The following PDGFC variants were observed in gnomAD, a reference collection of about 807,000 sequenced individuals.
PDGFC encodes the protein platelet derived growth factor C.
In PDGFC, 12 loss-of-function variants were observed where a neutral mutation model predicts 35.5. That is an observed-to-expected ratio of 0.34 (90% CI 0.22 to 0.55). The LOEUF is 0.55. PDGFC is among the 20% of genes least tolerant of loss of function. The pLI is 0.91. For synonymous variants in PDGFC, 159 were observed against 148.8 expected, an observed-to-expected ratio of 1.07 and a Z score of -0.50; for missense variants, 322 against 412.4, an observed-to-expected ratio of 0.78 and a Z score of 1.90.
At chr4:156,930,824 A>G (rs2110875395) in intron 1 of PDGFC, among the ~76,000 whole-genome samples, 1 of 152,298 alleles carries the variant, frequency 6.6e-6, no homozygotes, top group South Asian at 2.1e-4. Flanking sequence ...AGCCAAGATC[A>G]TGCCATTGCA....
intron 1 of PDGFC, among the ~76,000 whole-genome samples, chr4:156,938,003 T>C (rs895255617): frequency 1.3e-4 from 20 of 152,144 alleles, no homozygotes; most frequent in African/African-American, 4.6e-4. Flanking sequence ...TAAATTAATA[T>C]ATTAAATTTG....
At chr4:156,843,580 C>T (rs1000992936) in intron 2 of PDGFC, among the ~76,000 whole-genome samples, 1 of 152,168 alleles carries the variant, frequency 6.6e-6, no homozygotes. Context: ...TCTTAGCTGA[C>T]TTTATAGTAG....
intron 3 of PDGFC, among the ~76,000 whole-genome samples, chr4:156,775,429 T>A (rs1256201673): frequency 1.3e-5 from 2 of 152,208 alleles, no homozygotes; most frequent in Admixed American, 6.5e-5. Flanking sequence ...AAAGTATACA[T>A]TATTTATTAA....
intron 3 of PDGFC, among the ~76,000 whole-genome samples, chr4:156,786,016 C>G (rs768842768): frequency 2.0e-5 from 3 of 152,102 alleles, no homozygotes; most frequent in Non-Finnish European, 4.4e-5. Flanking sequence ...ATTGCTTCAG[C>G]TGATTTCAGA....
intron 1 of PDGFC, among the ~76,000 whole-genome samples, chr4:156,969,309 T>C (rs1195981675): frequency 6.6e-6 from 1 of 152,212 alleles, no homozygotes; most frequent in Non-Finnish European, 1.5e-5. Flanking sequence ...TTTGATCACT[T>C]TCCCCCAGAC....
At chr4:156,946,852 CT>C (rs1731960702) in intron 1 of PDGFC, among the ~76,000 whole-genome samples, 1 of 151,992 alleles carries the variant, frequency 6.6e-6, no homozygotes, top group Admixed American at 6.6e-5. Flanking sequence ...CTTTCTTGCC[CT>C]TGAAAATTTC....
chr4:156,852,523 CTTT>C (rs994460609), intron 1 of PDGFC, among the ~76,000 whole-genome samples: 2 of 152,108 alleles, frequency 1.3e-5, no homozygotes, highest in African/African-American at 4.8e-5. Flanking sequence ...TCTGTATCTT[CTTT>C]TATCTTCGCA....
rs36049782 is a variant in PDGFC at position 156,885,156 on chromosome 4, T to TACACAC, written c.119-34746_119-34741dup. On this transcript the variant is annotated intron_variant, in intron 1 of 5. Transcript: ENST00000502773. ...ATACTTGTGCATGTATGTGCATACA[T>TACACAC]ACACACACACACACACACACACACA... 6.9e-3 allele frequency among the ~76,000 whole-genome samples: 882 copies of TACACAC among 127,058 alleles called. 5 individuals are homozygous for TACACAC. Among genetic ancestry groups the TACACAC allele is most frequent in the African/African-American group, 0.023 (766 of 33,220 alleles). The allele number at this position is 127,058 out of a possible 152,430, so 83.4% of individuals were successfully genotyped here.
At chr4:156,766,036 A>C (rs907803690) in intron 5 of PDGFC, among the ~76,000 whole-genome samples, 6 of 152,190 alleles carry the variant, frequency 3.9e-5, no homozygotes, top group Non-Finnish European at 8.8e-5. Context: ...TGTTAGGTTC[A>C]AAACTGGGAT....
chr4:156,929,777 T>G (rs1731507990), intron 1 of PDGFC, among the ~76,000 whole-genome samples: 1 of 152,232 alleles, frequency 6.6e-6, no homozygotes, highest in Non-Finnish European at 1.5e-5. Flanking sequence ...TTATGGATAT[T>G]AGAAATAGTT....
intron 1 of PDGFC, among the ~76,000 whole-genome samples, chr4:156,961,676 T>G (rs2110972525): frequency 6.6e-6 from 1 of 152,260 alleles, no homozygotes. Flanking sequence ...GCAATTAATT[T>G]TCCACAAACT....
chr4:156,782,232 A>G (rs1281353877), intron 3 of PDGFC, among the ~76,000 whole-genome samples: 2 of 152,226 alleles, frequency 1.3e-5, no homozygotes, highest in African/African-American at 4.8e-5. Context: ...AACTTAAAAA[A>G]TAAGCATAAT....
intron 1 of PDGFC, among the ~76,000 whole-genome samples, chr4:156,855,955 G>C (rs1276707183): frequency 6.6e-6 from 1 of 152,080 alleles, no homozygotes; most frequent in East Asian, 1.9e-4. Context: ...AGGTATACTT[G>C]AGGTCCACAG....
intron 2 of PDGFC, among the ~76,000 whole-genome samples, chr4:156,816,789 G>A (rs1474474895): frequency 6.6e-6 from 1 of 152,030 alleles, no homozygotes; most frequent in African/African-American, 2.4e-5. Flanking sequence ...TTTATTTTAA[G>A]GCCTAACTGC....
intron 4 of PDGFC, among the ~76,000 whole-genome samples, chr4:156,768,731 C>A (rs1037601200): frequency 6.6e-6 from 1 of 152,010 alleles, no homozygotes; most frequent in Admixed American, 6.6e-5. Context: ...TAATTTATAA[C>A]CCCAGCCTCT....
chr4:156,883,176 AT>A (rs1730288632), intron 1 of PDGFC, among the ~76,000 whole-genome samples: 1 of 151,290 alleles, frequency 6.6e-6, no homozygotes, highest in Admixed American at 6.6e-5. Flanking sequence ...CACTTTTCTG[AT>A]TCTGTCTTTA....
intron 2 of PDGFC, among the ~76,000 whole-genome samples, chr4:156,848,305 A>C: frequency 6.6e-6 from 1 of 151,992 alleles, no homozygotes; most frequent in South Asian, 2.1e-4. Context: ...AAATTTTTGT[A>C]TATTGTTGGG....
chr4:156,837,191 A>C (rs573024828), intron 2 of PDGFC, among the ~76,000 whole-genome samples: 1 of 152,350 alleles, frequency 6.6e-6, no homozygotes, highest in Admixed American at 6.5e-5. Flanking sequence ...TTTTAAATTT[A>C]TACAGTTAGA....
At chr4:156,838,080 G>A (rs909474601) in intron 2 of PDGFC, among the ~76,000 whole-genome samples, 1 of 152,064 alleles carries the variant, frequency 6.6e-6, no homozygotes. Flanking sequence ...GCTGGAAAGG[G>A]CATTGGCAAA....
Sources: allele counts gnomAD v4.1 joint callset (sites outside exome capture counted in the v4.1 genomes callset), GRCh38; gene constraint gnomAD v4.1.1; transcripts MANE v1.5; gene names NCBI Gene and HGNC (gene_info 2026-07-23, HGNC 2026-07-21).